Variants in FBXW10B observed in about 807,000 individuals in gnomAD.
FBXW10B encodes F-box and WD repeat domain containing protein 10B.
At chr17:15,609,912 G>A in the FBXW10B span, among the ~76,000 whole-genome samples, 32 of 142,596 alleles carry the variant, frequency 2.2e-4, no homozygotes, top group African/African-American at 7.2e-4. Context: ...GGCTGGAGTG[G>A]TGCAGTGGCG....
the FBXW10B span, among the ~76,000 whole-genome samples, chr17:15,614,867 A>G: frequency 6.6e-6 from 1 of 152,184 alleles, no homozygotes; most frequent in East Asian, 1.9e-4. Context: ...GAGTGCCTTG[A>G]GGTGGGGAAC....
the FBXW10B span, chr17:15,573,018 T>C: frequency 6.6e-6 from 1 of 152,114 alleles, no homozygotes; most frequent in African/African-American, 2.4e-5. Context: ...ACCAGGGTGG[T>C]CACAGCAGAA....
chr17:15,586,692 G>C, the FBXW10B span, among the ~76,000 whole-genome samples: 1 of 151,474 alleles, frequency 6.6e-6, no homozygotes, highest in Non-Finnish European at 1.5e-5. Context: ...GAAAGGCAAG[G>C]AATGTGTGTG....
the FBXW10B span, among the ~76,000 whole-genome samples, chr17:15,586,005 T>C: frequency 6.6e-6 from 1 of 151,120 alleles, no homozygotes; most frequent in African/African-American, 2.4e-5. Flanking sequence ...AAAATTTCCA[T>C]TGAAAGCCCT....
At chr17:15,614,651 A>G in the FBXW10B span, among the ~76,000 whole-genome samples, 3 of 152,254 alleles carry the variant, frequency 2.0e-5, no homozygotes, top group South Asian at 2.1e-4. Flanking sequence ...GAAAGGGGGG[A>G]AAATGAATGG....
chr17:15,586,573 A>G, the FBXW10B span, among the ~76,000 whole-genome samples: 1 of 151,704 alleles, frequency 6.6e-6, no homozygotes, highest in South Asian at 2.1e-4. Flanking sequence ...TGCATTTTCC[A>G]TGAACTTTTT....
the FBXW10B span, among the ~76,000 whole-genome samples, chr17:15,569,611 C>T: frequency 4.0e-5 from 6 of 151,564 alleles, no homozygotes; most frequent in East Asian, 1.2e-3. Flanking sequence ...AGGTGCCAGT[C>T]GCTGGGCCTA....
At chr17:15,598,865 G>C in the FBXW10B span, 2 of 911,356 alleles carry the variant, frequency 2.2e-6, no homozygotes, top group Non-Finnish European at 3.2e-6. Flanking sequence ...TTTCCTCATT[G>C]ATAAAATGGA....
At chr17:15,602,816 A>G in the FBXW10B span, among the ~76,000 whole-genome samples, 1 of 121,106 alleles carries the variant, frequency 8.3e-6, no homozygotes. Context: ...TTCAGTAGAG[A>G]CGGGGTTTCA....
the FBXW10B span, among the ~76,000 whole-genome samples, chr17:15,569,270 G>A: frequency 6.6e-6 from 1 of 151,952 alleles, no homozygotes; most frequent in Non-Finnish European, 1.5e-5. Context: ...GTGTGTAAGA[G>A]TTCCCTTTCC....
At chr17:15,589,225 A>C in the FBXW10B span, 1 of 1,613,884 alleles carries the variant, frequency 6.2e-7, no homozygotes, top group Non-Finnish European at 8.5e-7. Flanking sequence ...GCAGACTGAA[A>C]TTCTGTGGAT....
chr17:15,593,039 G>C, the FBXW10B span, among the ~76,000 whole-genome samples: 3 of 141,232 alleles, frequency 2.1e-5, no homozygotes, highest in Non-Finnish European at 1.5e-5. Flanking sequence ...AGAGGCGGAG[G>C]TTGCAGTGAG....
chr17:15,584,682 T>C, the FBXW10B span, among the ~76,000 whole-genome samples: 1 of 152,106 alleles, frequency 6.6e-6, no homozygotes, highest in Non-Finnish European at 1.5e-5. Context: ...ATGCTGAGAG[T>C]GATCATGGCA....
the FBXW10B span, among the ~76,000 whole-genome samples, chr17:15,608,199 T>C: frequency 6.9e-6 from 1 of 144,954 alleles, no homozygotes; most frequent in Non-Finnish European, 1.5e-5. Context: ...TCTCGCTCTG[T>C]CACCAGGCTG....
chr17:15,588,933 A>G, the FBXW10B span: 5 of 1,613,808 alleles, frequency 3.1e-6, no homozygotes, highest in South Asian at 3.3e-5. Context: ...ATCCACTCAC[A>G]GGAGCCCTGG....
the FBXW10B span, among the ~76,000 whole-genome samples, chr17:15,569,976 G>A: frequency 6.6e-6 from 1 of 152,040 alleles, no homozygotes; most frequent in Admixed American, 6.5e-5. Flanking sequence ...GTACATTCTG[G>A]GTATTAATGC....
the FBXW10B span, among the ~76,000 whole-genome samples, chr17:15,566,664 C>T: frequency 3.3e-5 from 5 of 151,944 alleles, no homozygotes; most frequent in Admixed American, 6.5e-5. Flanking sequence ...GGGTTCACGC[C>T]GTTTTCCTGC....
At chr17:15,603,122 G>T in the FBXW10B span, among the ~76,000 whole-genome samples, 1 of 150,460 alleles carries the variant, frequency 6.6e-6, no homozygotes, top group South Asian at 2.1e-4. Flanking sequence ...GACCTCAGAT[G>T]ATCCGCCTGC....
At chr17:15,606,400 G>A in the FBXW10B span, among the ~76,000 whole-genome samples, 1 of 147,334 alleles carries the variant, frequency 6.8e-6, no homozygotes, top group African/African-American at 2.6e-5. Flanking sequence ...GGTGGCATGT[G>A]CCTATAGTCC....
Sources: allele counts gnomAD v4.1 joint callset (sites outside exome capture counted in the v4.1 genomes callset), GRCh38; gene constraint gnomAD v4.1.1; transcripts MANE v1.5; gene names NCBI Gene and HGNC (gene_info 2026-07-23, HGNC 2026-07-21).